Variants in PAPPA observed in about 807,000 individuals in gnomAD.
PAPPA encodes pappalysin 1, also known as pappalysin-1.
In PAPPA, 60 loss-of-function variants were observed where a neutral mutation model predicts 164.0. The ratio of observed to expected loss-of-function variants is 0.37; its 90% confidence interval spans 0.30 to 0.45. The LOEUF (loss-of-function observed/expected upper bound fraction) is 0.45, where lower values mean the gene tolerates loss of function less well. PAPPA is among the 20% of genes least tolerant of loss of function. The probability of loss-of-function intolerance (pLI) is 1.00; values close to 1 mark genes in which losing one functional copy is unlikely to be tolerated. For missense variants in PAPPA, 1,782 were observed against 2,087.3 expected (o/e 0.85, Z 2.85); for synonymous variants, 875 against 814.1 (o/e 1.07, Z -1.27).
chr9:116,255,950 G>A (rs149495788), intron 7 of PAPPA, among the ~76,000 whole-genome samples: 1,609 of 151,354 alleles, frequency 0.011, 30 homozygotes, highest in African/African-American at 0.037. Context: ...CAAAAGACTT[G>A]ATGTTTGAAT....
At chr9:116,171,169 C>G (rs1180308448) in intron 1 of PAPPA, among the ~76,000 whole-genome samples, 2 of 152,128 alleles carry the variant, frequency 1.3e-5, no homozygotes, top group Admixed American at 1.3e-4. Context: ...AAAGGGCAGG[C>G]TTAGGTGAGA....
At chr9:116,242,704 G>T (rs893914600) in intron 7 of PAPPA, among the ~76,000 whole-genome samples, 1 of 152,214 alleles carries the variant, frequency 6.6e-6, no homozygotes, top group Non-Finnish European at 1.5e-5. Context: ...GAAATTGCCG[G>T]TGATAAGCTA....
intron 10 of PAPPA, among the ~76,000 whole-genome samples, chr9:116,323,552 A>G (rs1461597310): frequency 2.0e-5 from 3 of 152,122 alleles, no homozygotes; most frequent in Admixed American, 6.5e-5. Context: ...AAAAAGAAAG[A>G]AAGAGAGAGA....
chr9:116,262,758 AG>A (rs1845017892), intron 7 of PAPPA, among the ~76,000 whole-genome samples: 1 of 152,216 alleles, frequency 6.6e-6, no homozygotes, highest in Non-Finnish European at 1.5e-5. Context: ...TGATAGCATA[AG>A]GCTTTCCAGA....
chr9:116,173,763 G>C (rs983723892), intron 1 of PAPPA, among the ~76,000 whole-genome samples: 10 of 152,110 alleles, frequency 6.6e-5, no homozygotes, highest in Non-Finnish European at 8.8e-5. Context: ...CTCATGCAAG[G>C]CTCGGCTCTT....
chr9:116,242,379 G>A (rs1844746949), intron 7 of PAPPA, among the ~76,000 whole-genome samples: 1 of 152,132 alleles, frequency 6.6e-6, no homozygotes, highest in African/African-American at 2.4e-5. Context: ...ATAAATGAAG[G>A]GAGGAAGGAA....
chr9:116,392,593 C>G (rs542159328), intron 21 of PAPPA, among the ~76,000 whole-genome samples: 1 of 152,218 alleles, frequency 6.6e-6, no homozygotes, highest in African/African-American at 2.4e-5. Context: ...TTAGACCTAG[C>G]AATACCTGAA....
chr9:116,242,746 T>C (rs970986908), intron 7 of PAPPA, among the ~76,000 whole-genome samples: 21 of 152,208 alleles, frequency 1.4e-4, no homozygotes, highest in Non-Finnish European at 2.9e-4. Flanking sequence ...GACACAACTA[T>C]GACATTCTGG....
chr9:116,227,366 C>T, intron 5 of PAPPA, 65 bp from the exon 6 acceptor site: 1 of 1,577,062 alleles, frequency 6.3e-7, no homozygotes, highest in Non-Finnish European at 8.7e-7. Flanking sequence ...CTGGCCTAGT[C>T]CCATCAGTTG....
intron 9 of PAPPA, among the ~76,000 whole-genome samples, chr9:116,281,801 C>T (rs1845270948): frequency 6.6e-6 from 1 of 152,152 alleles, no homozygotes; most frequent in Non-Finnish European, 1.5e-5. Flanking sequence ...GCAAATCTTC[C>T]TGAGTGCTGC....
intron 9 of PAPPA, among the ~76,000 whole-genome samples, chr9:116,293,998 A>C (rs1409128339): frequency 6.6e-6 from 1 of 152,214 alleles, no homozygotes; most frequent in Admixed American, 6.5e-5. Context: ...GAAAATATTC[A>C]TATTTTAGAT....
intron 5 of PAPPA, among the ~76,000 whole-genome samples, chr9:116,220,932 T>C (rs1844437549): frequency 6.7e-6 from 1 of 149,474 alleles, no homozygotes; most frequent in African/African-American, 2.5e-5. Context: ...CATATAAACA[T>C]AATTTTTGCA....
intron 7 of PAPPA, among the ~76,000 whole-genome samples, chr9:116,238,178 A>C (rs1057310094): frequency 6.6e-6 from 1 of 152,188 alleles, no homozygotes; most frequent in Non-Finnish European, 1.5e-5. Context: ...AGGTGATTAT[A>C]ATTTGCAACA....
intron 9 of PAPPA, chr9:116,287,690 C>T (rs1218479125): frequency 3.3e-5 from 5 of 152,238 alleles, no homozygotes; most frequent in African/African-American, 1.2e-4. Flanking sequence ...ATTGTGTCCT[C>T]CCTGAGCCTT....
chr9:116,277,999 T>C (rs1254195847), intron 9 of PAPPA, among the ~76,000 whole-genome samples: 2 of 152,236 alleles, frequency 1.3e-5, no homozygotes, highest in Admixed American at 6.5e-5. Context: ...TATATCCATC[T>C]TCCCAGAAAC....
At chr9:116,195,423 A>AC (rs1844092547) in intron 2 of PAPPA, among the ~76,000 whole-genome samples, 4 of 152,228 alleles carry the variant, frequency 2.6e-5, no homozygotes, top group Admixed American at 2.6e-4. Context: ...GAGGAACAGT[A>AC]GAAGATCAAT....
intron 7 of PAPPA, 22 bp downstream of exon 7, chr9:116,235,659 G>A: frequency 1.2e-6 from 2 of 1,611,902 alleles, no homozygotes; most frequent in South Asian, 2.2e-5. Flanking sequence ...CTCTGAATAG[G>A]GAGTTTATTA....
intron 17 of PAPPA, among the ~76,000 whole-genome samples, chr9:116,354,394 A>G (rs1423531283): frequency 6.6e-6 from 1 of 152,198 alleles, no homozygotes; most frequent in East Asian, 1.9e-4. Flanking sequence ...AAAAGGCTGA[A>G]AAAACCTTAA....
At chr9:116,348,508 AT>A (rs1846240716) in intron 15 of PAPPA, among the ~76,000 whole-genome samples, 1 of 150,250 alleles carries the variant, frequency 6.7e-6, no homozygotes, top group Admixed American at 7.2e-5. Context: ...AAAAACTTTT[AT>A]TTTAAGCTCA....
Sources: allele counts gnomAD v4.1 joint callset (sites outside exome capture counted in the v4.1 genomes callset), GRCh38; gene constraint gnomAD v4.1.1; transcripts MANE v1.5; gene names NCBI Gene and HGNC (gene_info 2026-07-23, HGNC 2026-07-21).